Variants in DCUN1D4 observed in about 807,000 individuals in gnomAD.
DCUN1D4 encodes the protein DCN1-like protein 4.
DCUN1D4 carries 22 observed loss-of-function variants against 47.9 expected under a neutral mutation model. The ratio of observed to expected loss-of-function variants is 0.46; its 90% CI spans 0.33 to 0.66. DCUN1D4 has a LOEUF of 0.66. Ranked by LOEUF, DCUN1D4 falls within the 30% of genes least tolerant of loss-of-function variation. The probability of loss-of-function intolerance (pLI) is 0.02; values close to 1 mark genes in which losing one functional copy is unlikely to be tolerated. For synonymous variants in DCUN1D4, 121 were observed against 112.2 expected (o/e 1.08, Z -0.50); for missense variants, 301 against 340.8 (o/e 0.88, Z 0.92).
At chr4:51,869,833 T>G (rs1577917594) in intron 3 of DCUN1D4, among the ~76,000 whole-genome samples, 2 of 152,196 alleles carry the variant, frequency 1.3e-5, no homozygotes, top group East Asian at 3.9e-4. Flanking sequence ...GAAGAAAAGC[T>G]CTATTCATTG....
At chr4:51,848,465 A>G in intron 1 of DCUN1D4, 1 of 854,084 alleles carries the variant, frequency 1.2e-6, no homozygotes, top group Non-Finnish European at 1.4e-6. Flanking sequence ...AGTTAACAAT[A>G]TAGTGAGATC....
intron 7 of DCUN1D4, among the ~76,000 whole-genome samples, chr4:51,897,115 C>G (rs2110087224): frequency 6.6e-6 from 1 of 152,308 alleles, no homozygotes; most frequent in East Asian, 1.9e-4. Flanking sequence ...TATCTCTCAA[C>G]TCTCTTAGCT....
intron 3 of DCUN1D4, among the ~76,000 whole-genome samples, chr4:51,866,307 G>T (rs1725890040): frequency 6.6e-6 from 1 of 152,106 alleles, no homozygotes; most frequent in Non-Finnish European, 1.5e-5. Flanking sequence ...TCACCCCTAG[G>T]TTCCATCCCC....
chr4:51,878,571 T>A (rs987332383), intron 5 of DCUN1D4, among the ~76,000 whole-genome samples: 1 of 152,142 alleles, frequency 6.6e-6, no homozygotes, highest in South Asian at 2.1e-4. Flanking sequence ...CTAATTTTTT[T>A]AAAACTAAGC....
At chr4:51,894,361 G>A (rs1439653653) in intron 7 of DCUN1D4, among the ~76,000 whole-genome samples, 1 of 152,110 alleles carries the variant, frequency 6.6e-6, no homozygotes, top group Non-Finnish European at 1.5e-5. Context: ...TCAAGTTTAA[G>A]AACCTCTGCC....
chr4:51,883,537 G>A (rs758588349), intron 5 of DCUN1D4, among the ~76,000 whole-genome samples: 2 of 152,184 alleles, frequency 1.3e-5, no homozygotes, highest in African/African-American at 2.4e-5. Context: ...AGATAAGAAT[G>A]TCCACTCTCA....
chr4:51,874,250 CT>C lies in DCUN1D4; in HGVS notation c.137-20del. ...GGATGTAGCATACCTTAATTTTGTG[CT>C]CTTTGAATTTGTTTTGTAGGAAGTC... On this transcript the variant is annotated intron_variant, in intron 3 of 10. Coordinates refer to ENST00000334635, the MANE Select transcript of DCUN1D4 (RefSeq NM_001040402.3). 5.7e-6 allele frequency: 9 copies of C among 1,568,514 alleles called. No individual in the cohort carries two copies. Among genetic ancestry groups the C allele is most frequent in the Non-Finnish European group, 7.9e-6 (9 of 1,144,746 alleles).
intron 8 of DCUN1D4, among the ~76,000 whole-genome samples, chr4:51,900,614 T>C (rs1310422764): frequency 6.6e-6 from 1 of 152,118 alleles, no homozygotes; most frequent in Non-Finnish European, 1.5e-5. Context: ...GTGCCTATAG[T>C]TCTAGCTACT....
intron 2 of DCUN1D4, 29 bp from the exon 3 acceptor site, chr4:51,863,641 C>A (rs773779189): frequency 1.9e-6 from 3 of 1,610,194 alleles, no homozygotes; most frequent in Admixed American, 1.7e-5. Context: ...TATGTGATTT[C>A]TTCGTAATAA....
intron 8 of DCUN1D4, among the ~76,000 whole-genome samples, chr4:51,904,616 C>T (rs993992608): frequency 6.6e-6 from 1 of 152,190 alleles, no homozygotes; most frequent in African/African-American, 2.4e-5. Context: ...TGGTATCAAC[C>T]TGAGGCTTAC....
rs2271044 is a variant in DCUN1D4, at chr4:51,911,281, A to G, written c.720+107A>G. 1.9e-3 allele frequency: 1,894 copies of G among 1,005,778 alleles called. 11 individuals carry two copies. In the East Asian group the frequency reaches 0.019, roughly 10 times the overall value. The allele number at this position is 1,005,778 out of a possible 1,614,324, so 62.3% of individuals were successfully genotyped here. A position where few individuals can be genotyped will look rare whatever the true frequency, so the allele number is the denominator to read the frequency against. On this transcript the variant is annotated intron_variant, in intron 9 of 10. Transcript: ENST00000334635. Reference sequence around the variant, plus strand: ...TTTTGTTTGTTGTACTTTTCTGCCTATGTAGGAATTACGGTGACATAATTG... The same window carrying G: ...TTTTGTTTGTTGTACTTTTCTGCCTGTGTAGGAATTACGGTGACATAATTG...
At chr4:51,841,457 T>C (rs1183638643), upstream of DCUN1D4, among the ~76,000 whole-genome samples, 1 of 152,120 alleles carries the variant, frequency 6.6e-6, no homozygotes, top group Non-Finnish European at 1.5e-5. Context: ...TACCTACCCA[T>C]CACTGTGGGG....
chr4:51,839,856 C>T (rs1465899411), upstream of DCUN1D4, among the ~76,000 whole-genome samples: 1 of 152,222 alleles, frequency 6.6e-6, no homozygotes, highest in East Asian at 1.9e-4. Flanking sequence ...CTACAGTGGG[C>T]TTAGCAGAAT....
At chr4:51,875,588 C>T (rs1411046396) in intron 4 of DCUN1D4, among the ~76,000 whole-genome samples, 1 of 152,120 alleles carries the variant, frequency 6.6e-6, no homozygotes, top group Non-Finnish European at 1.5e-5. Flanking sequence ...GTTGTACACA[C>T]CATCACTACA....
chr4:51,875,020 A>T (rs1173058566), intron 4 of DCUN1D4: 1 of 152,156 alleles, frequency 6.6e-6, no homozygotes, highest in East Asian at 1.9e-4. Context: ...ATCATTGTCT[A>T]GTCTTTTCTA....
rs547101403 is a variant in DCUN1D4, at chr4:51,844,494, C to T, written c.25+1227C>T. ...GCAGCGGGAGCCGGAGGGGTCGGGC[C>T]CTGATGGCCGGGTCGGGGGCTTGGC... is the stretch of plus-strand genomic sequence containing the variant. On this transcript the variant is annotated intron_variant, in intron 1 of 10. Coordinates refer to ENST00000334635, the MANE Select transcript of DCUN1D4 (RefSeq NM_001040402.3). 30 of 804,356 alleles carry T rather than the reference C, an allele frequency of 3.7e-5. No homozygotes were observed. In the Admixed American group the frequency reaches 1.3e-3, roughly 35 times the overall value. The allele number at this position is 804,356 out of a possible 1,614,324, so 49.8% of individuals were successfully genotyped here. A position where few individuals can be genotyped will look rare whatever the true frequency, so the allele number is the denominator to read the frequency against.
chr4:51,870,759 G>A (rs1023762910), intron 3 of DCUN1D4, among the ~76,000 whole-genome samples: 2 of 152,210 alleles, frequency 1.3e-5, no homozygotes, highest in South Asian at 4.1e-4. Flanking sequence ...ACCATTGGGG[G>A]AGCAGGTTTG....
intron 1 of DCUN1D4, among the ~76,000 whole-genome samples, chr4:51,856,859 C>T (rs1217591508): frequency 6.6e-6 from 1 of 152,098 alleles, no homozygotes; most frequent in Non-Finnish European, 1.5e-5. Flanking sequence ...ACTGGAAACA[C>T]TTGCAGAAGA....
chr4:51,853,831 T>TCCC (rs1214414953), intron 1 of DCUN1D4, among the ~76,000 whole-genome samples: 2 of 152,120 alleles, frequency 1.3e-5, no homozygotes, highest in African/African-American at 4.8e-5. Flanking sequence ...ATGCAGCAGC[T>TCCC]CCCCCATGGG....
Sources: allele counts gnomAD v4.1 joint callset (sites outside exome capture counted in the v4.1 genomes callset), GRCh38; gene constraint gnomAD v4.1.1; transcripts MANE v1.5; gene names NCBI Gene and HGNC (gene_info 2026-07-23, HGNC 2026-07-21).